Variants in HPSE2 observed in about 807,000 individuals in gnomAD.
The protein encoded by HPSE2 is inactive heparanase-2.
HPSE2 carries 38 observed loss-of-function variants against 60.5 expected under a neutral mutation model. That is an observed-to-expected ratio of 0.63 (90% CI 0.48 to 0.82). HPSE2 has a LOEUF of 0.82. HPSE2 is among the 40% of genes least tolerant of loss of function. The probability of loss-of-function intolerance (pLI) is 0.00; values close to 1 mark genes in which losing one functional copy is unlikely to be tolerated. For missense variants in HPSE2, 713 were observed against 740.4 expected (o/e 0.96, Z 0.43); for synonymous variants, 295 against 293.2 (o/e 1.01, Z -0.06).
intron 2 of HPSE2, among the ~76,000 whole-genome samples, chr10:99,172,875 CAAA>C (rs750960291): frequency 2.2e-4 from 32 of 146,256 alleles, no homozygotes; most frequent in South Asian, 6.4e-4. Flanking sequence ...AACTCTGTCT[CAAA>C]AAAAGAAGAA....
chr10:99,264,489 A>T, the HPSE2 span, among the ~76,000 whole-genome samples: 106 of 152,298 alleles, frequency 7.0e-4, no homozygotes, highest in South Asian at 1.7e-3. Context: ...TGCTAAAAAA[A>T]AGGGGGACTC....
At chr10:98,583,536 T>A (rs1254000673) in intron 9 of HPSE2, among the ~76,000 whole-genome samples, 2 of 152,218 alleles carry the variant, frequency 1.3e-5, no homozygotes, top group Non-Finnish European at 2.9e-5. Flanking sequence ...TGCCTGCTCC[T>A]GCAAAACAAT....
At chr10:99,221,654 T>C (rs553350081) in intron 2 of HPSE2, among the ~76,000 whole-genome samples, 22 of 152,038 alleles carry the variant, frequency 1.4e-4, no homozygotes, top group Non-Finnish European at 2.8e-4. Context: ...GTAGGCAGAA[T>C]TCAGAAATGG....
chr10:98,781,209 A>G lies in HPSE2; in HGVS notation c.611-37153T>C, dbSNP rs561499821. 1.8e-4 allele frequency among the ~76,000 whole-genome samples: 28 copies of G among 151,830 alleles called. 1 individual carries two copies. The highest frequency in any genetic ancestry group is 3.4e-3 in the Middle Eastern group (1 of 292). On this transcript the variant is annotated intron_variant, in intron 3 of 11. Transcript: ENST00000370552. ...CATAGCATAGCTTATTTTTATTAAT[A>G]CATCTTGCTTGGCTACCATACCCAA...
chr10:98,952,673 C>T (rs972696686), intron 3 of HPSE2, among the ~76,000 whole-genome samples: 1 of 152,074 alleles, frequency 6.6e-6, no homozygotes, highest in African/African-American at 2.4e-5. Context: ...ATTATTTTCT[C>T]ACAATTCTGG....
intron 3 of HPSE2, among the ~76,000 whole-genome samples, chr10:98,983,107 G>T (rs1956246682): frequency 6.6e-6 from 1 of 152,188 alleles, no homozygotes; most frequent in South Asian, 2.1e-4. Context: ...CCAGTTTCAT[G>T]GAAGACAATT....
intron 11 of HPSE2, among the ~76,000 whole-genome samples, chr10:98,472,258 C>T (rs1196920612): frequency 6.6e-6 from 1 of 151,972 alleles, no homozygotes; most frequent in African/African-American, 2.4e-5. Flanking sequence ...TTCGGCCTTT[C>T]TGAACTGGGG....
chr10:98,582,454 C>A (rs1165369294), intron 9 of HPSE2, among the ~76,000 whole-genome samples: 1 of 152,086 alleles, frequency 6.6e-6, no homozygotes, highest in Non-Finnish European at 1.5e-5. Flanking sequence ...AAAATGATCC[C>A]CTTCTGGGTG....
In HPSE2 at chr10:99,146,528, C is replaced by T. The variant is rs989410296; in HGVS notation, c.449-2129G>A. Among the ~76,000 whole-genome samples, 7 of 152,318 alleles carry T rather than the reference C, an allele frequency of 4.6e-5. No homozygotes were observed. In the East Asian group the frequency reaches 1.4e-3, roughly 29 times the overall value. On this transcript the variant is annotated intron_variant, in intron 2 of 11. Coordinates refer to ENST00000370552, the MANE Select transcript of HPSE2 (RefSeq NM_021828.5). ...CTATGTCTAAAATATAGACATGAAG[C>T]CCAGAGTTCTAGTAGCCACTTTGTA...
At chr10:99,207,475 G>A (rs1046429444) in intron 2 of HPSE2, among the ~76,000 whole-genome samples, 3 of 152,084 alleles carry the variant, frequency 2.0e-5, no homozygotes, top group Non-Finnish European at 4.4e-5. Flanking sequence ...TGATAAAAGG[G>A]AGTCGAATTC....
intron 3 of HPSE2, among the ~76,000 whole-genome samples, chr10:98,977,413 G>T (rs548592316): frequency 1.1e-4 from 16 of 152,294 alleles, no homozygotes; most frequent in Middle Eastern, 3.4e-3. Context: ...TGTACACTGG[G>T]GAGGTACTAG....
chr10:98,843,798 T>C (rs554291776), intron 3 of HPSE2, among the ~76,000 whole-genome samples: 32 of 152,350 alleles, frequency 2.1e-4, no homozygotes, highest in Non-Finnish European at 3.8e-4. Context: ...TGAAATATTT[T>C]GGTTCCAAAG....
intron 3 of HPSE2, among the ~76,000 whole-genome samples, chr10:98,915,421 A>G (rs1170751032): frequency 6.6e-6 from 1 of 152,120 alleles, no homozygotes; most frequent in Non-Finnish European, 1.5e-5. Flanking sequence ...TGCTGGGATT[A>G]TAGGTGTGAG....
At chr10:98,680,683 C>T (rs1383751978) in intron 6 of HPSE2, among the ~76,000 whole-genome samples, 2 of 152,114 alleles carry the variant, frequency 1.3e-5, no homozygotes, top group Non-Finnish European at 2.9e-5. Flanking sequence ...ATACTTTGCT[C>T]CATTAGCAAA....
intron 3 of HPSE2, among the ~76,000 whole-genome samples, chr10:99,022,668 G>A (rs911937613): frequency 6.6e-6 from 1 of 152,124 alleles, no homozygotes; most frequent in African/African-American, 2.4e-5. Context: ...GCCACAGCAG[G>A]ATAGGCACTG....
At chr10:98,463,980 G>A (rs1318477375) in intron 11 of HPSE2, among the ~76,000 whole-genome samples, 1 of 152,130 alleles carries the variant, frequency 6.6e-6, no homozygotes, top group East Asian at 1.9e-4. Context: ...AGCCAGGTGT[G>A]GTGGCGCACA....
intron 3 of HPSE2, among the ~76,000 whole-genome samples, chr10:99,005,962 C>T (rs185343942): frequency 6.2e-4 from 95 of 152,014 alleles, no homozygotes; most frequent in African/African-American, 1.6e-3. Context: ...CCTGGTTCCA[C>T]GGGGTTAAGC....
chr10:99,148,790 AATC>A (rs1846152310), intron 2 of HPSE2, among the ~76,000 whole-genome samples: 1 of 39,920 alleles, frequency 2.5e-5, no homozygotes, highest in Non-Finnish European at 1.0e-4. Flanking sequence ...AACTCCACTC[AATC>A]AATCAATCAA....
chr10:98,827,673 A>G (rs1951583944), intron 3 of HPSE2, among the ~76,000 whole-genome samples: 1 of 152,230 alleles, frequency 6.6e-6, no homozygotes, highest in Non-Finnish European at 1.5e-5. Context: ...AGACTGGAGA[A>G]ATAGAAGTGT....
Sources: allele counts gnomAD v4.1 joint callset (sites outside exome capture counted in the v4.1 genomes callset), GRCh38; gene constraint gnomAD v4.1.1; transcripts MANE v1.5; gene names NCBI Gene and HGNC (gene_info 2026-07-23, HGNC 2026-07-21).